The following EIF2B3 variants were observed in gnomAD, a reference collection of about 807,000 sequenced individuals.
The protein encoded by EIF2B3 is translation initiation factor eIF2B subunit gamma.
EIF2B3 carries 20 observed loss-of-function variants against 54.1 expected under a neutral mutation model. The ratio of observed to expected loss-of-function variants is 0.37; its 90% CI spans 0.26 to 0.54. The LOEUF (loss-of-function observed/expected upper bound fraction) is 0.54. Ranked by LOEUF, EIF2B3 falls within the 20% of genes least tolerant of loss-of-function variation. EIF2B3 has a pLI of 0.86. For synonymous variants in EIF2B3, 153 were observed against 188.1 expected, an observed-to-expected ratio of 0.81 and a Z score of 1.52; for missense variants, 448 against 547.8, an observed-to-expected ratio of 0.82 and a Z score of 1.82.
At chr1:44,910,103 A>G (rs531039023) in intron 5 of EIF2B3, among the ~76,000 whole-genome samples, 1 of 152,344 alleles carries the variant, frequency 6.6e-6, no homozygotes, top group South Asian at 2.1e-4. Flanking sequence ...AAAGAAAACA[A>G]TGTAACATTG....
At chr1:44,912,521 G>C (rs945440323) in intron 5 of EIF2B3, among the ~76,000 whole-genome samples, 1 of 151,974 alleles carries the variant, frequency 6.6e-6, no homozygotes, top group African/African-American at 2.4e-5. Flanking sequence ...ATCTCCTCAA[G>C]TTTCCCAACA....
At chr1:44,985,061 C>A (rs989238016) in intron 1 of EIF2B3, among the ~76,000 whole-genome samples, 1 of 152,014 alleles carries the variant, frequency 6.6e-6, no homozygotes, top group Admixed American at 6.6e-5. Context: ...CCGCCTCGGC[C>A]TCCCAAAGTG....
chr1:44,969,669 G>A (rs1371964724), intron 3 of EIF2B3, among the ~76,000 whole-genome samples: 1 of 152,184 alleles, frequency 6.6e-6, no homozygotes, highest in Non-Finnish European at 1.5e-5. Flanking sequence ...AATAAGATTT[G>A]CTATAGGTTG....
intron 3 of EIF2B3, among the ~76,000 whole-genome samples, chr1:44,966,236 G>A (rs1054143730): frequency 5.9e-5 from 9 of 151,858 alleles, no homozygotes; most frequent in East Asian, 1.9e-4. Flanking sequence ...TCAAGAGATC[G>A]AGACCATCCT....
intron 5 of EIF2B3, among the ~76,000 whole-genome samples, chr1:44,900,613 C>CGT (rs1643271262): frequency 6.6e-6 from 1 of 152,034 alleles, no homozygotes. Flanking sequence ...TACCATGTAA[C>CGT]ATACTTGCAC....
chr1:44,866,523 C>A (rs1654787977), intron 10 of EIF2B3, among the ~76,000 whole-genome samples: 1 of 151,434 alleles, frequency 6.6e-6, no homozygotes, highest in Non-Finnish European at 1.5e-5. Flanking sequence ...GCATAGGGAG[C>A]ACAGAGGTGG....
intron 3 of EIF2B3, among the ~76,000 whole-genome samples, chr1:44,948,986 A>G (rs1218874436): frequency 6.6e-6 from 1 of 152,062 alleles, no homozygotes; most frequent in African/African-American, 2.4e-5. Flanking sequence ...CTTGTGCCTC[A>G]GCCTCCCAAG....
chr1:44,926,608 G>GA lies in EIF2B3; in HGVS notation c.566+19dup, dbSNP rs1318468705. The GA allele has an allele frequency of 3.1e-6, 5 of 1,603,270 alleles. No individual in the cohort carries two copies. Among genetic ancestry groups the GA allele is most frequent in the Admixed American group, 3.3e-5 (2 of 59,950 alleles). On this transcript the variant is annotated intron_variant, in intron 5 of 11. Coordinates refer to ENST00000360403, the MANE Select transcript of EIF2B3 (RefSeq NM_020365.5). ...TTTAAGACAAGGAGAATTGCCAGAA[G>GA]AAAAAACCCTAGGGCTTACTTCTGT...
intron 8 of EIF2B3, among the ~76,000 whole-genome samples, chr1:44,876,573 T>TG (rs1434235549): frequency 8.6e-3 from 2 of 232 alleles, no homozygotes; most frequent in Non-Finnish European, 0.017. Context: ...GGGAGGGAGG[T>TG]GGGGGTCAGC....
intron 3 of EIF2B3, among the ~76,000 whole-genome samples, chr1:44,974,853 A>G (rs1644437356): frequency 6.6e-6 from 1 of 152,196 alleles, no homozygotes; most frequent in African/African-American, 2.4e-5. Context: ...TTGAAAATAG[A>G]AAAAATACCA....
At chr1:44,934,183 G>T (rs534207161) in intron 4 of EIF2B3, among the ~76,000 whole-genome samples, 2 of 152,172 alleles carry the variant, frequency 1.3e-5, no homozygotes, top group South Asian at 2.1e-4. Context: ...GGATCACGAG[G>T]TAAGGAGTTC....
chr1:44,879,999 C>G lies in EIF2B3; in HGVS notation c.794G>C (p.Ser265Thr). Residue 265 changes from serine to threonine, a missense_variant, in exon 8 of 12, where the codon AGT becomes ACT. Ser to Thr is a moderately conservative substitution (Grantham distance 58). This residue lies in a region of EIF2B3 where 350 missense variants were observed against 414.2 expected (regional missense o/e 0.85). Coordinates refer to ENST00000360403, the MANE Select transcript of EIF2B3 (RefSeq NM_020365.5). Reference sequence around the variant, plus strand: ...CAGTGTATTGGCTTCTTTTATAAAACTGTAGATATCTTCAGAACAAACACC... The same window carrying G: ...CAGTGTATTGGCTTCTTTTATAAAAGTGTAGATATCTTCAGAACAAACACC... ...KKELKSLDIY[S>T]FIKEANTLNL... The G allele has an allele frequency of 6.2e-7, 1 of 1,614,182 alleles. No individual in the cohort carries two copies.
intron 8 of EIF2B3, among the ~76,000 whole-genome samples, chr1:44,875,926 A>G (rs1655114868): frequency 6.6e-6 from 1 of 152,176 alleles, no homozygotes; most frequent in African/African-American, 2.4e-5. Flanking sequence ...CTGCAATTGC[A>G]GGCGCGCGCC....
chr1:44,898,123 G>A (rs1656040189), intron 5 of EIF2B3, among the ~76,000 whole-genome samples: 1 of 152,094 alleles, frequency 6.6e-6, no homozygotes, highest in Non-Finnish European at 1.5e-5. Context: ...ACCATGCCAT[G>A]CTTTCTTTTG....
At chr1:44,882,946 T>C (rs1315508817) in intron 6 of EIF2B3, among the ~76,000 whole-genome samples, 2 of 146,440 alleles carry the variant, frequency 1.4e-5, no homozygotes, top group African/African-American at 2.5e-5. Context: ...TTTTTTTTTT[T>C]TGAGATGGAG....
chr1:44,928,690 G>A (rs1322781497), intron 4 of EIF2B3, among the ~76,000 whole-genome samples: 4 of 152,012 alleles, frequency 2.6e-5, no homozygotes, highest in Non-Finnish European at 4.4e-5. Flanking sequence ...TGATCTTACA[G>A]GCTGCTATAT....
intron 10 of EIF2B3, among the ~76,000 whole-genome samples, chr1:44,862,844 G>T (rs990938905): frequency 6.6e-6 from 1 of 152,036 alleles, no homozygotes; most frequent in African/African-American, 2.4e-5. Context: ...TGATCTACCC[G>T]CCTCAGCCTC....
At chr1:44,977,870 A>G (rs1644468856) in intron 3 of EIF2B3, among the ~76,000 whole-genome samples, 1 of 152,248 alleles carries the variant, frequency 6.6e-6, no homozygotes, top group Non-Finnish European at 1.5e-5. Context: ...TAACCAAATC[A>G]AAGAGCAACT....
chr1:44,876,206 G>A (rs954998625), intron 8 of EIF2B3, among the ~76,000 whole-genome samples: 19 of 151,792 alleles, frequency 1.3e-4, no homozygotes, highest in Non-Finnish European at 2.2e-4. Flanking sequence ...CCGCCACACC[G>A]TCTGGGAAGT....
Sources: gnomAD v4.1 joint callset for allele counts (sites outside exome capture counted in the v4.1 genomes callset) on GRCh38, gnomAD v4.1.1 for gene constraint, gnomAD v4.1.1 regional missense constraint, MANE v1.5 for transcripts, NCBI Gene and HGNC (gene_info 2026-07-23, HGNC 2026-07-21) for gene names.